Variants in CEP44 observed in about 807,000 individuals in gnomAD.
CEP44 encodes centrosomal protein 44, also known as centrosomal protein of 44 kDa.
In CEP44, 45 loss-of-function variants were observed where a neutral mutation model predicts 46.7. The observed-to-expected ratio is 0.96, with a 90% CI of 0.76 to 1.24. The LOEUF is 1.24. Among genes scored for constraint, CEP44 ranks in the 50% most tolerant of loss-of-function variants. CEP44 has a pLI of 0.00. For missense variants in CEP44, 475 were observed against 459.7 expected (o/e 1.03, Z -0.30); for synonymous variants, 142 against 146.0 (o/e 0.97, Z 0.20).
chr4:174,291,787 CT>C (rs56201469), intron 1 of CEP44, among the ~76,000 whole-genome samples: 6,081 of 46,034 alleles, frequency 0.13, 161 homozygotes, highest in East Asian at 0.38. Flanking sequence ...TTTTTCTTTT[CT>C]TTTTTTTTTT....
intron 8 of CEP44, among the ~76,000 whole-genome samples, chr4:174,327,014 T>C (rs1742712401): frequency 6.6e-6 from 1 of 151,664 alleles, no homozygotes; most frequent in South Asian, 2.1e-4. Context: ...TTTTTTAGAA[T>C]TAATAGAATT....
intron 9 of CEP44, among the ~76,000 whole-genome samples, chr4:174,313,986 G>A (rs1741387572): frequency 6.6e-6 from 1 of 152,182 alleles, no homozygotes; most frequent in Non-Finnish European, 1.5e-5. Context: ...ATTGGTCCTT[G>A]ATTTAGAAGT....
chr4:174,288,831 A>T lies in CEP44; in HGVS notation c.-148+4888A>T, dbSNP rs1737844685. 6.6e-6 allele frequency among the ~76,000 whole-genome samples: 1 copy of T among 152,106 alleles called. No individual in the cohort carries two copies. Among genetic ancestry groups the T allele is most frequent in the African/African-American group, 2.4e-5 (1 of 41,428 alleles). ...GCAACCTTGCCTTGTTCCTCATCTT[A>T]TGGGGAAAGCTTTCAGTTTTTTATC... On this transcript the variant is annotated intron_variant, in intron 1 of 11. Coordinates refer to ENST00000503780, the MANE Select transcript of CEP44 (RefSeq NM_001040157.3). The surrounding 1 kb of genome is among the most constrained non-coding windows in gnomAD (Gnocchi z 4.6).
At chr4:174,304,500 G>T in intron 6 of CEP44, 131 bp downstream of exon 6, 1 of 1,218,368 alleles carries the variant, frequency 8.2e-7, no homozygotes, top group Non-Finnish European at 1.1e-6. Context: ...ATTTTTAACA[G>T]TGCATGCCAT....
intron 10 of CEP44, 73 bp from the exon 11 acceptor site, chr4:174,316,457 T>G (rs1741725855): frequency 7.0e-7 from 1 of 1,421,358 alleles, no homozygotes. Flanking sequence ...CTGTGTTTTG[T>G]ACATTCTCGG....
chr4:174,303,069 C>G (rs146946899), intron 4 of CEP44, among the ~76,000 whole-genome samples: 1 of 151,972 alleles, frequency 6.6e-6, no homozygotes, highest in African/African-American at 2.4e-5. Flanking sequence ...CATGAGCCAC[C>G]GCACCCAGCC....
Position 174,299,095 on chromosome 4 carries a change from A to G in CEP44, c.-27A>G, listed in dbSNP as rs758659662. 18 of 1,588,750 alleles carry G rather than the reference A, an allele frequency of 1.1e-5. No homozygotes were observed. The Middle Eastern group carries it at 6.7e-4, about 59-fold the overall frequency. On this transcript the variant is annotated 5_prime_UTR_variant, in exon 3 of 12. Coordinates refer to ENST00000503780, the MANE Select transcript of CEP44 (RefSeq NM_001040157.3). ...AGGTGAAAAATTAGACGATTTCAAGAATTGGAGCTGAATCTGATGTTAAGT... is the reference window on the plus strand; with the variant it reads ...AGGTGAAAAATTAGACGATTTCAAGGATTGGAGCTGAATCTGATGTTAAGT...
At chr4:174,295,124 G>A (rs75107731) in intron 1 of CEP44, among the ~76,000 whole-genome samples, 1,943 of 151,886 alleles carry the variant, frequency 0.013, 19 homozygotes, top group Middle Eastern at 0.027. Context: ...GGCCTGGCGG[G>A]GGCTGACCCT....
rs1331574072 is a variant in CEP44, at chr4:174,303,774, A to C, written c.309A>C (p.Glu103Asp). The C allele has an allele frequency of 1.3e-6, 2 of 1,574,300 alleles. No individual in the cohort carries two copies. Among genetic ancestry groups the C allele is most frequent in the Non-Finnish European group, 1.7e-6 (2 of 1,149,980 alleles). The change falls in exon 5 of 12, where the codon GAA becomes GAC. Residue 103 changes from glutamate to aspartate, a missense_variant. By Grantham distance (45) the Glu-to-Asp change is conservative. Transcript: ENST00000503780. ...KKQFIQCGFA[E>D]WKIQIVCDIL... ...AGTTTATCCAATGTGGGTTTGCAGA[A>C]TGGAAAATCCAAATTGTTTGTGATA...
In CEP44 at chr4:174,301,197, A is replaced by G. The variant is rs1739664830; in HGVS notation, c.90-842A>G. Among the ~76,000 whole-genome samples the G allele has an allele frequency of 1.3e-5, 2 of 152,212 alleles. No individual in the cohort carries two copies. The highest frequency in any genetic ancestry group is 2.9e-5 in the Non-Finnish European group (2 of 68,024). On this transcript the variant is annotated intron_variant, in intron 3 of 11. Coordinates refer to ENST00000503780, the MANE Select transcript of CEP44 (RefSeq NM_001040157.3). The surrounding 1 kb of genome is among the most constrained non-coding windows in gnomAD (Gnocchi z 4.3). ...TTTTTGGAAAACATTTGCTTTATAT[A>G]AGTACAAAATACTGCAATTGAACAA...
Position 174,319,370 on chromosome 4 carries a change from T to G in CEP44, c.*1987T>G. ...AGCATGGAATTATAGCACCACCTTG[T>G]GGTTAACATGCCAGTATTTTACCTT... On this transcript the variant is annotated 3_prime_UTR_variant, in exon 12 of 12. Transcript: ENST00000503780. The G allele has an allele frequency of 1.0e-6, 1 of 985,154 alleles. No homozygotes were observed. The highest frequency in any genetic ancestry group is 1.2e-6 in the Non-Finnish European group (1 of 829,650). 61.0% of individuals were successfully genotyped at this position (985,154 alleles called of 1,614,324 possible).
rs899917966 is a variant in CEP44, at chr4:174,314,572, T to G, written c.962-1594T>G. On this transcript the variant is annotated intron_variant, in intron 9 of 11. Coordinates refer to ENST00000503780, the MANE Select transcript of CEP44 (RefSeq NM_001040157.3). The surrounding 1 kb of genome is among the most constrained non-coding windows in gnomAD (Gnocchi z 4.1). ...ACACCGCAAAGTCTGGACCCCAAAA[T>G]GGAAGACAAAGAGAGCCATTCCTTC... Among the ~76,000 whole-genome samples the G allele has an allele frequency of 6.6e-6, 1 of 152,106 alleles. No homozygotes were observed. The highest frequency in any genetic ancestry group is 2.4e-5 in the African/African-American group (1 of 41,406).
downstream of CEP44, among the ~76,000 whole-genome samples, chr4:174,322,239 C>T (rs191012085): frequency 2.6e-5 from 4 of 152,074 alleles, no homozygotes; most frequent in African/African-American, 9.7e-5. Flanking sequence ...TTTTTAAAAT[C>T]ATCATTCTCT....
At chr4:174,323,580 G>T (rs918836559), downstream of CEP44, among the ~76,000 whole-genome samples, 2 of 152,122 alleles carry the variant, frequency 1.3e-5, no homozygotes, top group African/African-American at 2.4e-5. Flanking sequence ...TCTCCTCCTT[G>T]AAGTTGGGGC....
intron 8 of CEP44, among the ~76,000 whole-genome samples, chr4:174,328,788 G>T (rs1731155672): frequency 6.6e-6 from 1 of 151,980 alleles, no homozygotes; most frequent in South Asian, 2.1e-4. Context: ...ATTAAATTCT[G>T]CATAGAAGTT....
Position 174,288,690 on chromosome 4 carries a change from G to C in CEP44, c.-148+4747G>C, listed in dbSNP as rs546054967. Reference sequence around the variant, plus strand: ...TTCTACATCTAAGATCATGTCATCTGCAAACAGATATTGTACCTCTTCTCT... The same window carrying C: ...TTCTACATCTAAGATCATGTCATCTCCAAACAGATATTGTACCTCTTCTCT... On this transcript the variant is annotated intron_variant, in intron 1 of 11. Transcript: ENST00000503780. This position sits in a 1 kb window ranked among gnomAD's most constrained non-coding sequence, Gnocchi z 4.6. Among the ~76,000 whole-genome samples, 1 of 152,150 alleles carries C rather than the reference G, an allele frequency of 6.6e-6. No homozygotes were observed. Among genetic ancestry groups the C allele is most frequent in the South Asian group, 2.1e-4 (1 of 4,824 alleles).
chr4:174,283,863 G>A, upstream of CEP44: 1 of 398,972 alleles, frequency 2.5e-6, no homozygotes, highest in Admixed American at 4.4e-5. This position sits in a 1 kb window ranked among gnomAD's most constrained non-coding sequence, Gnocchi z 6.7. Flanking sequence ...GCTCTTCACA[G>A]GAGTCTTGAA....
intron 6 of CEP44, among the ~76,000 whole-genome samples, chr4:174,305,381 G>A (rs537813808): frequency 1.3e-5 from 2 of 152,260 alleles, no homozygotes; most frequent in African/African-American, 4.8e-5. Flanking sequence ...TTGAACCCTG[G>A]AGGCAGAGGT....
chr4:174,318,957 G>A lies in CEP44; in HGVS notation c.*1574G>A. Reference sequence around the variant, plus strand: ...CCTGAGTAGCTGGGACTATAGGCCTGTACCGTCATGCCTGGCTAATTTTTG... The same window carrying A: ...CCTGAGTAGCTGGGACTATAGGCCTATACCGTCATGCCTGGCTAATTTTTG... On this transcript the variant is annotated 3_prime_UTR_variant, in exon 12 of 12. Coordinates refer to ENST00000503780, the MANE Select transcript of CEP44 (RefSeq NM_001040157.3). The A allele has an allele frequency of 4.2e-6, 1 of 236,324 alleles. No homozygotes were observed. The highest frequency in any genetic ancestry group is 6.9e-6 in the Non-Finnish European group (1 of 145,320). The allele number at this position is 236,324 out of a possible 1,614,324, so 14.6% of individuals were successfully genotyped here.
Sources: allele counts gnomAD v4.1 joint callset (sites outside exome capture counted in the v4.1 genomes callset), GRCh38; gene constraint gnomAD v4.1.1; non-coding constraint Gnocchi (gnomAD v3.1); transcripts MANE v1.5; gene names NCBI Gene and HGNC (gene_info 2026-07-23, HGNC 2026-07-21).